The following CSN2 variants were observed in gnomAD, a reference collection of about 807,000 sequenced individuals.
CSN2 encodes casein beta, also known as beta-casein.
A neutral mutation model predicts 27.3 loss-of-function variants in CSN2; 27 were observed. That is an observed-to-expected ratio of 0.99 (90% CI 0.73 to 1.36). The LOEUF is 1.36. CSN2 is among the 40% of genes most tolerant of loss of function. CSN2 has a pLI of 0.00. For synonymous variants in CSN2, 131 were observed against 94.8 expected, an observed-to-expected ratio of 1.38 and a Z score of -2.22; for missense variants, 333 against 264.5, an observed-to-expected ratio of 1.26 and a Z score of -1.80.
chr4:69,962,048 GGA>G (rs1284777599), intron 1 of CSN2, among the ~76,000 whole-genome samples: 1 of 152,046 alleles, frequency 6.6e-6, no homozygotes, highest in East Asian at 1.9e-4. Flanking sequence ...ACCTCTCCAA[GGA>G]GAACTACAAA....
Position 69,960,980 on chromosome 4 carries a change from G to C in CSN2, c.16C>G (p.Leu6Val), listed in dbSNP as rs1194841900. The part of the protein sequence containing the change: MKVLI[L>V]ACLVALALAR... ...AGAGCAAGAGCCACCAGGCAGGCGA[G>C]GATGAGGACCTTCATGGCTACTAAG... The change falls in exon 2 of 8, where the codon CTC becomes GTC. Residue 6 changes from leucine (L) to valine (V), a missense_variant. Physicochemically the swap from Leu to Val is conservative, Grantham distance 32. Coordinates refer to ENST00000353151, the MANE Select transcript of CSN2 (RefSeq NM_001891.4). 2 of 1,612,700 alleles carry C rather than the reference G, an allele frequency of 1.2e-6. No homozygotes were observed. The highest frequency in any genetic ancestry group is 1.3e-5 in the African/African-American group (1 of 74,852).
chr4:69,965,326 A>C (rs1169523420), intron 1 of CSN2, among the ~76,000 whole-genome samples: 2 of 142,948 alleles, frequency 1.4e-5, no homozygotes, highest in Admixed American at 7.2e-5. Flanking sequence ...TTCTTTTTAT[A>C]ACTGTGATAT....
chr4:69,965,238 T>A (rs957989882), intron 1 of CSN2, among the ~76,000 whole-genome samples: 4 of 151,454 alleles, frequency 2.6e-5, no homozygotes, highest in African/African-American at 4.8e-5. Context: ...CAACTCAGTA[T>A]GCTACTGCTG....
intron 7 of CSN2, 146 bp downstream of exon 7, chr4:69,956,168 T>C (rs553627825): frequency 9.9e-6 from 4 of 405,252 alleles, no homozygotes; most frequent in South Asian, 1.2e-4. Flanking sequence ...CAGTAAATGA[T>C]AGTCAACCAT....
In CSN2 at chr4:69,956,312, A is replaced by T. The variant is rs746579588; in HGVS notation, c.*36+2T>A. On this transcript the variant is annotated splice_donor_variant, in intron 7 of 7. Coordinates refer to ENST00000353151, the MANE Select transcript of CSN2 (RefSeq NM_001891.4). LOFTEE classifies it low-confidence loss of function (3UTR_SPLICE). ...TTAAATCTCCAAACTCCCAAAACTT[A>T]CCAAAAATAAGGAGGGAAAATTAAC... 2.2e-6 allele frequency: 3 copies of T among 1,393,130 alleles called. No individual in the cohort carries two copies. The South Asian group carries it at 5.1e-5, about 24-fold the overall frequency. 86.3% of individuals were successfully genotyped at this position (1,393,130 alleles called of 1,614,324 possible).
At chr4:69,959,926 A>G in intron 3 of CSN2, 127 bp downstream of exon 3, 1 of 734,248 alleles carries the variant, frequency 1.4e-6, no homozygotes, top group East Asian at 2.7e-5. Flanking sequence ...AACACACATA[A>G]AAGAAATATG....
intron 5 of CSN2, 143 bp from the exon 6 acceptor site, chr4:69,957,947 T>A: frequency 1.2e-6 from 1 of 832,502 alleles, no homozygotes; most frequent in South Asian, 1.9e-5. Flanking sequence ...TAAGAAAGTA[T>A]CTTGAGTCAT....
intron 1 of CSN2, among the ~76,000 whole-genome samples, chr4:69,965,408 C>CTATATATATATATA (rs756206077): frequency 1.6e-4 from 14 of 88,096 alleles, no homozygotes; most frequent in South Asian, 3.7e-4. Context: ...TAGCCTCATA[C>CTATATATATATATA]TATATATATA....
chr4:69,960,645 T>C (rs1560399002), intron 2 of CSN2, among the ~76,000 whole-genome samples: 1 of 152,084 alleles, frequency 6.6e-6, no homozygotes. Flanking sequence ...TGAGAATCTT[T>C]GGAGTTGTAT....
At position 69,960,049 on chromosome 4, in the gene CSN2, T is replaced by C; in HGVS notation, c.78+4A>G. On this transcript the variant is annotated splice_donor_region_variant and intron_variant, in intron 3 of 7. Transcript: ENST00000353151. ...TTCTAAAATTGGGTAGAATGTTAAC[T>C]TACCTCACTGCTTGAAAGGCTTTCT... 1.2e-6 allele frequency: 2 copies of C among 1,611,522 alleles called. No homozygotes were observed. Among genetic ancestry groups the C allele is most frequent in the Non-Finnish European group, 1.7e-6 (2 of 1,178,438 alleles).
intron 1 of CSN2, among the ~76,000 whole-genome samples, chr4:69,963,241 T>C (rs1202692269): frequency 2.0e-5 from 3 of 152,148 alleles, no homozygotes; most frequent in African/African-American, 7.2e-5. Context: ...ACTGGGTATA[T>C]ACCCAAAGGA....
chr4:69,964,055 T>C (rs1458835479), intron 1 of CSN2, among the ~76,000 whole-genome samples: 1 of 152,186 alleles, frequency 6.6e-6, no homozygotes, highest in Admixed American at 6.6e-5. Flanking sequence ...TTTCCTTATT[T>C]GTGTCACTAT....
chr4:69,957,115 G>C (rs558753741), intron 6 of CSN2, among the ~76,000 whole-genome samples, 159 bp downstream of exon 6: 7 of 151,996 alleles, frequency 4.6e-5, no homozygotes, highest in South Asian at 4.1e-4. Flanking sequence ...TAACTAACCT[G>C]CATGTTGTGC....
chr4:69,957,274 A>G lies in CSN2; in HGVS notation c.675T>C (p.Ser225=), dbSNP rs200105022. 1.4e-5 allele frequency: 21 copies of G among 1,529,202 alleles called. No homozygotes were observed. Among genetic ancestry groups the G allele is most frequent in the East Asian group, 2.3e-5 (1 of 44,000 alleles). 94.7% of individuals were successfully genotyped at this position (1,529,202 alleles called of 1,614,324 possible). A position where few individuals can be genotyped will look rare whatever the true frequency, so the allele number is the denominator to read the frequency against. ...QPLAPVHNPI[S]V is the part of the protein sequence containing the mutation. ...GCAAAGCCAGTAAATTTGGACTTACACTAATGGGGTTATGAACTGGGGCAA... is the reference window on the plus strand; with the variant it reads ...GCAAAGCCAGTAAATTTGGACTTACGCTAATGGGGTTATGAACTGGGGCAA... The change falls in exon 6 of 8, where the codon AGT becomes AGC. Residue 225 remains serine, a splice_region_variant and synonymous_variant. Transcript: ENST00000353151.
chr4:69,964,233 C>A (rs183414462), intron 1 of CSN2, among the ~76,000 whole-genome samples: 22 of 152,084 alleles, frequency 1.4e-4, no homozygotes, highest in African/African-American at 5.3e-4. Flanking sequence ...CTTGATGATC[C>A]GCCAAGGGGT....
chr4:69,964,179 C>G (rs1723715872), intron 1 of CSN2, among the ~76,000 whole-genome samples: 1 of 152,098 alleles, frequency 6.6e-6, no homozygotes, highest in South Asian at 2.1e-4. Flanking sequence ...ATATTGTACA[C>G]TAGGCTTCTT....
In CSN2 at chr4:69,963,547, C is replaced by T. The variant is rs970111271; in HGVS notation, c.-13+2134G>A. Among the ~76,000 whole-genome samples the T allele has an allele frequency of 3.3e-5, 5 of 150,930 alleles. No homozygotes were observed. In the East Asian group the frequency reaches 5.9e-4, roughly 18 times the overall value. On this transcript the variant is annotated intron_variant, in intron 1 of 7. Coordinates refer to ENST00000353151, the MANE Select transcript of CSN2 (RefSeq NM_001891.4). ...GTGGGAATTGAACAATGGGAACACA[C>T]GGACACAGGAAGGGGAACATCACAC...
chr4:69,958,781 A>C (rs1723480302), intron 5 of CSN2, 128 bp downstream of exon 5: 2 of 568,664 alleles, frequency 3.5e-6, no homozygotes. Context: ...TAATTTTTAA[A>C]GTGGTTGGTG....
At chr4:69,964,885 A>G (rs187860919) in intron 1 of CSN2, among the ~76,000 whole-genome samples, 6 of 150,904 alleles carry the variant, frequency 4.0e-5, no homozygotes, top group Non-Finnish European at 8.9e-5. Context: ...TAAATATACT[A>G]CATACTGGTA....
Sources: allele counts gnomAD v4.1 joint callset (sites outside exome capture counted in the v4.1 genomes callset), GRCh38; gene constraint gnomAD v4.1.1; transcripts MANE v1.5; gene names NCBI Gene and HGNC (gene_info 2026-07-23, HGNC 2026-07-21).